CLYBL: variants seen among roughly 807,000 people sequenced by gnomAD.
The protein encoded by CLYBL is citramalyl-CoA lyase, mitochondrial.
CLYBL carries 31 observed loss-of-function variants against 38.9 expected under a neutral mutation model. That is an observed-to-expected ratio of 0.80 (90% CI 0.60 to 1.08). The LOEUF (loss-of-function observed/expected upper bound fraction) is 1.08. Among genes scored for constraint, CLYBL ranks in the 50% least tolerant of loss-of-function variants. The pLI is 0.00. For synonymous variants in CLYBL, 171 were observed against 158.6 expected, an observed-to-expected ratio of 1.08 and a Z score of -0.59; for missense variants, 434 against 411.6, an observed-to-expected ratio of 1.05 and a Z score of -0.47.
At chr13:99,623,958 CAAAAA>C (rs754256330) in intron 1 of CLYBL, among the ~76,000 whole-genome samples, 1 of 64,218 alleles carries the variant, frequency 1.6e-5, no homozygotes. Flanking sequence ...GACTCCATCT[CAAAAA>C]AAAAAAAAAA....
intron 2 of CLYBL, among the ~76,000 whole-genome samples, chr13:99,788,523 A>G (rs1358920751): frequency 2.0e-5 from 3 of 152,082 alleles, no homozygotes; most frequent in Non-Finnish European, 4.4e-5. Flanking sequence ...CATATGTTGA[A>G]CCAGCCTTGC....
At chr13:99,649,712 A>G (rs1223481890) in intron 1 of CLYBL, among the ~76,000 whole-genome samples, 2 of 152,098 alleles carry the variant, frequency 1.3e-5, no homozygotes. Context: ...AAATGATACA[A>G]AAATTAGCCA....
chr13:99,820,793 G>A (rs562227558), intron 2 of CLYBL, among the ~76,000 whole-genome samples: 1 of 152,158 alleles, frequency 6.6e-6, no homozygotes, highest in South Asian at 2.1e-4. Context: ...GCTGTTCTCC[G>A]GTCGGGATGG....
At chr13:99,797,560 T>TTGTATGTGTGTGTGTGTG (rs1555308593) in intron 2 of CLYBL, among the ~76,000 whole-genome samples, 1 of 141,708 alleles carries the variant, frequency 7.1e-6, no homozygotes, top group African/African-American at 2.7e-5. Context: ...TGTTAGCTGT[T>TTGTATGTGTGTGTGTGTG]TGTGTGTGTG....
chr13:99,777,247 CT>C (rs2049537283), intron 2 of CLYBL, among the ~76,000 whole-genome samples: 1 of 152,144 alleles, frequency 6.6e-6, no homozygotes, highest in Non-Finnish European at 1.5e-5. Context: ...AAAATCCAAT[CT>C]TTTCACGCAG....
chr13:99,778,928 A>C (rs2049580149), intron 2 of CLYBL, among the ~76,000 whole-genome samples: 1 of 152,210 alleles, frequency 6.6e-6, no homozygotes. Flanking sequence ...TAAGTATTTA[A>C]ATGTAAATAC....
At chr13:99,883,666 T>G (rs543047687) in intron 7 of CLYBL, among the ~76,000 whole-genome samples, 4 of 152,190 alleles carry the variant, frequency 2.6e-5, no homozygotes, top group Middle Eastern at 3.4e-3. Flanking sequence ...AGATCCAGTG[T>G]CTCCTACCAC....
In CLYBL at chr13:99,800,896, A is replaced by AC. The variant is rs1235959887; in HGVS notation, c.249+27886_249+27887insC. On this transcript the variant is annotated intron_variant, in intron 2 of 8. Transcript: ENST00000339105. ...CTCAAATTAAAAAACAACAACAACAAAAAAAAAAAACAAAAAAAAAAAAAC... is the reference window on the plus strand; with the variant it reads ...CTCAAATTAAAAAACAACAACAACAACAAAAAAAAAACAAAAAAAAAAAAAC... 2.5e-3 allele frequency among the ~76,000 whole-genome samples: 337 copies of AC among 135,200 alleles called. 3 individuals are homozygous for AC. Among genetic ancestry groups the AC allele is most frequent in the African/African-American group, 6.7e-3 (251 of 37,470 alleles). The allele number at this position is 135,200 out of a possible 152,430, so 88.7% of individuals were successfully genotyped here. A position where few individuals can be genotyped will look rare whatever the true frequency, so the allele number is the denominator to read the frequency against.
intron 2 of CLYBL, among the ~76,000 whole-genome samples, chr13:99,853,645 C>A (rs550289669): frequency 6.6e-6 from 1 of 152,054 alleles, no homozygotes; most frequent in Non-Finnish European, 1.5e-5. Flanking sequence ...AATTCATTTG[C>A]CTTTTTTTTT....
intron 2 of CLYBL, among the ~76,000 whole-genome samples, chr13:99,829,316 C>T (rs189585009): frequency 1.3e-5 from 2 of 152,248 alleles, no homozygotes; most frequent in Admixed American, 6.5e-5. Context: ...ACTGCCAAGG[C>T]GGTTCTGATG....
chr13:99,665,783 C>T (rs915655843), intron 1 of CLYBL, among the ~76,000 whole-genome samples: 7 of 152,252 alleles, frequency 4.6e-5, no homozygotes, highest in Non-Finnish European at 8.8e-5. Context: ...ACAACTCTAA[C>T]GTCAAAATGG....
intron 1 of CLYBL, among the ~76,000 whole-genome samples, chr13:99,704,329 T>C (rs1337472717): frequency 6.6e-6 from 1 of 152,214 alleles, no homozygotes; most frequent in Admixed American, 6.5e-5. Flanking sequence ...TTGGAATATA[T>C]TACTTTGATG....
At chr13:99,802,904 G>A (rs944631637) in intron 2 of CLYBL, among the ~76,000 whole-genome samples, 6 of 152,112 alleles carry the variant, frequency 3.9e-5, no homozygotes, top group Non-Finnish European at 7.4e-5. Context: ...CACGTACAGC[G>A]CTTACCGTTC....
chr13:99,618,021 A>G (rs988930562), intron 1 of CLYBL, among the ~76,000 whole-genome samples: 7 of 152,158 alleles, frequency 4.6e-5, no homozygotes, highest in East Asian at 3.8e-4. Context: ...TCCACCAGAC[A>G]TATCACATGC....
intron 1 of CLYBL, among the ~76,000 whole-genome samples, chr13:99,630,812 A>G (rs1012196601): frequency 2.6e-5 from 4 of 152,164 alleles, no homozygotes; most frequent in African/African-American, 9.7e-5. Flanking sequence ...ATACATTCAT[A>G]TTATCATGAG....
At chr13:99,750,673 CAAAA>C (rs374904118) in intron 1 of CLYBL, among the ~76,000 whole-genome samples, 1 of 86,134 alleles carries the variant, frequency 1.2e-5, no homozygotes. Flanking sequence ...GACTCTGCCT[CAAAA>C]AAAAAAAAAA....
rs1566340168 is a variant in CLYBL, at chr13:99,819,444, ATATATATATATATATATATAT to A, written c.250-39416_250-39396del. On this transcript the variant is annotated intron_variant, in intron 2 of 8. Transcript: ENST00000339105. ...TATATATATATATATATATATATAT[ATATATATATATATATATATAT>A]ATAATATTTGTCAGGGTTGTCTGGG... Among the ~76,000 whole-genome samples the A allele has an allele frequency of 3.9e-4, 35 of 88,674 alleles. 3 individuals are homozygous for A. In the South Asian group the frequency reaches 6.1e-3, roughly 15 times the overall value. The allele number at this position is 88,674 out of a possible 152,430, so 58.2% of individuals were successfully genotyped here.
intron 2 of CLYBL, among the ~76,000 whole-genome samples, chr13:99,835,459 G>A (rs2050914007): frequency 6.6e-6 from 1 of 152,196 alleles, no homozygotes; most frequent in African/African-American, 2.4e-5. Context: ...AGAGAGTGGA[G>A]GGCAGGTGGC....
chr13:99,890,929 A>G (rs1277131514), intron 7 of CLYBL, among the ~76,000 whole-genome samples: 2 of 152,156 alleles, frequency 1.3e-5, no homozygotes, highest in Non-Finnish European at 2.9e-5. Context: ...TGATGGTACA[A>G]TTTTTTAAAA....
Sources: allele counts gnomAD v4.1 joint callset (sites outside exome capture counted in the v4.1 genomes callset), GRCh38; gene constraint gnomAD v4.1.1; transcripts MANE v1.5; gene names NCBI Gene and HGNC (gene_info 2026-07-23, HGNC 2026-07-21).